TACC2: variants seen among roughly 807,000 people sequenced by gnomAD.
The protein encoded by TACC2 is transforming acidic coiled-coil containing protein 2.
A neutral mutation model predicts 227.3 loss-of-function variants in TACC2; 137 were observed. That is an observed-to-expected ratio of 0.60 (90% CI 0.52 to 0.69). The LOEUF (loss-of-function observed/expected upper bound fraction) is 0.69, where lower values mean the gene tolerates loss of function less well. TACC2 is among the 30% of genes least tolerant of loss of function. The pLI is 0.00. For synonymous variants in TACC2, 1,523 were observed against 1,487.5 expected, an observed-to-expected ratio of 1.02 and a Z score of -0.55; for missense variants, 3,470 against 3,694.4, an observed-to-expected ratio of 0.94 and a Z score of 1.57.
intron 13 of TACC2, 122 bp downstream of exon 13, chr10:122,226,603 TA>T (rs34932234): frequency 0.24 from 144,842 of 610,714 alleles, 8,227 homozygotes; most frequent in Middle Eastern, 0.3. Context: ...ACATGCCACA[TA>T]TTTTTTTTTT....
chr10:122,010,580 C>T (rs924956744), intron 1 of TACC2, among the ~76,000 whole-genome samples: 9 of 152,152 alleles, frequency 5.9e-5, no homozygotes, highest in Non-Finnish European at 1.3e-4. Context: ...CTGGGTCTGG[C>T]ATAGACCAAG....
chr10:122,051,765 C>CTTTTTTTTTTTTTTT (rs56185263), intron 3 of TACC2: 1 of 122,432 alleles, frequency 8.2e-6, no homozygotes, highest in African/African-American at 3.3e-5. Flanking sequence ...CTCAAAGTGA[C>CTTTTTTTTTTTTTTT]TTTTTTTTTT....
At chr10:122,250,676 G>A (rs746039279) in intron 22 of TACC2, among the ~76,000 whole-genome samples, 4 of 152,146 alleles carry the variant, frequency 2.6e-5, no homozygotes, top group Non-Finnish European at 5.9e-5. Context: ...TGGGGAGCAA[G>A]AAATGGGGCT....
At chr10:122,041,929 G>C (rs762361641) in intron 2 of TACC2, among the ~76,000 whole-genome samples, 3 of 152,106 alleles carry the variant, frequency 2.0e-5, no homozygotes, top group Non-Finnish European at 4.4e-5. Flanking sequence ...TTAACTTTGG[G>C]AGGAGCTGTT....
At chr10:122,088,615 G>T in intron 5 of TACC2, 24 bp downstream of exon 5, 1 of 1,604,778 alleles carries the variant, frequency 6.2e-7, no homozygotes, top group African/African-American at 1.3e-5. Flanking sequence ...ATTGGTCTTT[G>T]GAAGGCCATG....
At chr10:122,186,038 C>T (rs368203716) in intron 7 of TACC2, among the ~76,000 whole-genome samples, 1 of 152,130 alleles carries the variant, frequency 6.6e-6, no homozygotes, top group East Asian at 1.9e-4. Flanking sequence ...AAGCTATTCT[C>T]CCGCCTCAGC....
At chr10:122,091,510 T>TAAA (rs1345889362) in intron 5 of TACC2, among the ~76,000 whole-genome samples, 3 of 152,168 alleles carry the variant, frequency 2.0e-5, no homozygotes, top group Non-Finnish European at 2.9e-5. Flanking sequence ...AATGGGGTCA[T>TAAA]AAAGAGTTGG....
chr10:122,071,962 G>C (rs147267529), intron 3 of TACC2, among the ~76,000 whole-genome samples: 1 of 142,024 alleles, frequency 7.0e-6, no homozygotes, highest in Non-Finnish European at 1.5e-5. Context: ...TACACATGTT[G>C]ATCTCCCCAA....
intron 5 of TACC2, 107 bp downstream of exon 5, chr10:122,088,698 C>A (rs1310398812): frequency 1.3e-6 from 2 of 1,548,596 alleles, no homozygotes; most frequent in Middle Eastern, 1.7e-4. Flanking sequence ...TGAGTTCCTA[C>A]ATAAGAAAGA....
intron 6 of TACC2, among the ~76,000 whole-genome samples, chr10:122,136,343 C>T (rs1338570019): frequency 2.0e-5 from 3 of 152,078 alleles, no homozygotes; most frequent in African/African-American, 2.4e-5. Flanking sequence ...ACCCCATCCA[C>T]CTGCAATCCC....
chr10:122,085,587 C>T lies in TACC2; in HGVS notation c.3087C>T (p.Gly1029=), dbSNP rs756858369. 36 of 1,613,170 alleles carry T rather than the reference C, an allele frequency of 2.2e-5. No homozygotes were observed. Among genetic ancestry groups the T allele is most frequent in the Non-Finnish European group, 2.7e-5 (32 of 1,180,050 alleles). The change falls in exon 4 of 23, where the codon GGC becomes GGT. Residue 1029 remains glycine (G), a synonymous_variant. Coordinates refer to ENST00000369005, the MANE Select transcript of TACC2 (RefSeq NM_206862.4). Reference sequence around the variant, plus strand: ...CTGATGGTTGTTCCCCACTCTGGGGCTTGAGTAAGAGGGAGATGGCAAGTG... The same window carrying T: ...CTGATGGTTGTTCCCCACTCTGGGGTTTGAGTAAGAGGGAGATGGCAAGTG... ...EAADGCSPLW[G]LSKREMASGN...
At position 122,079,245 on chromosome 10, in the gene TACC2, G is replaced by C. The variant is rs7085487; in HGVS notation, c.147-3402G>C. On this transcript the variant is annotated intron_variant, in intron 3 of 22. Transcript: ENST00000369005. ...GTCCAGATGCTGAGCAGCGAAGGGT[G>C]GGGGAGGAGGCATCGGGTTTCGTTC... 63 of 152,296 alleles carry C rather than the reference G, an allele frequency of 4.1e-4. 1 individual carries two copies. Among genetic ancestry groups the C allele is most frequent in the Admixed American group, 3.8e-3 (58 of 15,300 alleles). 9.4% of individuals were successfully genotyped at this position (152,296 alleles called of 1,614,324 possible).
chr10:122,251,772 T>C (rs746154603), intron 22 of TACC2, among the ~76,000 whole-genome samples: 2 of 152,244 alleles, frequency 1.3e-5, no homozygotes, highest in African/African-American at 2.4e-5. Flanking sequence ...CAGTTGAACA[T>C]ACAATGTTTC....
intron 7 of TACC2, among the ~76,000 whole-genome samples, chr10:122,153,949 A>C (rs146030539): frequency 6.6e-6 from 1 of 152,296 alleles, no homozygotes; most frequent in African/African-American, 2.4e-5. Flanking sequence ...GCCCCCAATC[A>C]CAAAAATAAA....
chr10:122,233,559 G>A (rs2095799538), intron 16 of TACC2, among the ~76,000 whole-genome samples: 1 of 152,194 alleles, frequency 6.6e-6, no homozygotes, highest in Admixed American at 6.5e-5. Flanking sequence ...GGCCACCTGT[G>A]TTGTCGTTGA....
intron 7 of TACC2, among the ~76,000 whole-genome samples, chr10:122,160,790 C>T (rs779061485): frequency 2.0e-5 from 3 of 152,238 alleles, no homozygotes; most frequent in African/African-American, 7.2e-5. Flanking sequence ...GTTACTAGAT[C>T]ACCAGCTTTG....
Position 122,073,152 on chromosome 10 carries a change from T to TAC in TACC2, c.147-9482_147-9481dup, listed in dbSNP as rs55672889. Reference sequence around the variant, plus strand: ...ATATATATATATATATATATATATATACACACACACACACGCATACATGAG... The same window carrying TAC: ...ATATATATATATATATATATATATATACACACACACACACACGCATACATGAG... On this transcript the variant is annotated intron_variant, in intron 3 of 22. Transcript: ENST00000369005. Among the ~76,000 whole-genome samples the TAC allele has an allele frequency of 1.7e-4, 16 of 92,520 alleles. No individual in the cohort carries two copies. In the East Asian group the frequency reaches 2.1e-3, roughly 12 times the overall value. The allele number at this position is 92,520 out of a possible 152,430, so 60.7% of individuals were successfully genotyped here.
intron 8 of TACC2, among the ~76,000 whole-genome samples, chr10:122,202,012 G>C (rs1423347659): frequency 8.0e-6 from 1 of 124,864 alleles, no homozygotes; most frequent in Non-Finnish European, 1.6e-5. Flanking sequence ...GTCTTCTTTA[G>C]CTTTTTTTTT....
chr10:122,003,352 G>A (rs1208942231), intron 1 of TACC2, among the ~76,000 whole-genome samples: 1 of 151,180 alleles, frequency 6.6e-6, no homozygotes, highest in Non-Finnish European at 1.5e-5. Flanking sequence ...AGTTTTTTGA[G>A]TTGGGAATTT....
Sources: allele counts gnomAD v4.1 joint callset (sites outside exome capture counted in the v4.1 genomes callset), GRCh38; gene constraint gnomAD v4.1.1; transcripts MANE v1.5; gene names NCBI Gene and HGNC (gene_info 2026-07-23, HGNC 2026-07-21).